Variants in MEF2A observed in about 807,000 individuals in gnomAD.
MEF2A encodes myocyte enhancer factor 2A, also known as myocyte-specific enhancer factor 2A.
A neutral mutation model predicts 55.8 loss-of-function variants in MEF2A; 28 were observed. The observed-to-expected ratio is 0.50, with a 90% CI of 0.37 to 0.69. MEF2A has a LOEUF of 0.69. MEF2A is among the 30% of genes least tolerant of loss of function. The pLI, the probability that MEF2A is intolerant of heterozygous loss-of-function variation, is 0.00. For missense variants in MEF2A, 528 were observed against 626.2 expected, an observed-to-expected ratio of 0.84 and a Z score of 1.67; for synonymous variants, 239 against 227.1, an observed-to-expected ratio of 1.05 and a Z score of -0.47.
At chr15:99,629,252 A>G (rs1017396612) in intron 2 of MEF2A, among the ~76,000 whole-genome samples, 6 of 152,140 alleles carry the variant, frequency 3.9e-5, no homozygotes, top group Non-Finnish European at 8.8e-5. Context: ...GGTGTTAGGA[A>G]TAACACTCAA....
At chr15:99,690,721 A>G in intron 8 of MEF2A, 2 of 506,600 alleles carry the variant, frequency 3.9e-6, no homozygotes, top group Non-Finnish European at 7.6e-6. Context: ...TAGATACTGC[A>G]AGGTCTCACT....
chr15:99,703,498 CTA>C, intron 9 of MEF2A, 113 bp downstream of exon 9: 1 of 992,072 alleles, frequency 1.0e-6, no homozygotes, highest in Non-Finnish European at 1.5e-6. Flanking sequence ...TTTTTAAACA[CTA>C]TTCAAACACT....
chr15:99,635,854 T>A (rs569296462), intron 3 of MEF2A, among the ~76,000 whole-genome samples: 1 of 152,230 alleles, frequency 6.6e-6, no homozygotes, highest in African/African-American at 2.4e-5. Flanking sequence ...TTTGGATTGT[T>A]TTCTACTTTG....
intron 4 of MEF2A, among the ~76,000 whole-genome samples, chr15:99,657,965 A>G (rs768092126): frequency 6.6e-6 from 1 of 152,156 alleles, no homozygotes; most frequent in Admixed American, 6.6e-5. Flanking sequence ...AAGCAAATTT[A>G]TATCCTTTTT....
intron 2 of MEF2A, among the ~76,000 whole-genome samples, chr15:99,623,809 T>G (rs987181057): frequency 5.9e-5 from 9 of 152,182 alleles, no homozygotes; most frequent in African/African-American, 1.2e-4. Context: ...TCTGCCGTTT[T>G]TTTTTTTTTT....
At chr15:99,689,269 A>G (rs1228341682) in intron 7 of MEF2A, among the ~76,000 whole-genome samples, 1 of 152,198 alleles carries the variant, frequency 6.6e-6, no homozygotes, top group African/African-American at 2.4e-5. Flanking sequence ...ATAAGGAAGA[A>G]GTACGTGGTG....
chr15:99,569,989 A>G (rs1350013645), intron 1 of MEF2A, among the ~76,000 whole-genome samples: 1 of 151,786 alleles, frequency 6.6e-6, no homozygotes, highest in Non-Finnish European at 1.5e-5. Context: ...CTTATTTAAT[A>G]AGTACTAAAT....
chr15:99,670,326 G>A (rs573497331), intron 4 of MEF2A, among the ~76,000 whole-genome samples: 3 of 152,048 alleles, frequency 2.0e-5, no homozygotes, highest in African/African-American at 4.8e-5. Context: ...TCTCCAGAAA[G>A]GGCTGGGCAC....
Position 99,619,994 on chromosome 15 carries a change from C to G in MEF2A, c.-142-12984C>G, listed in dbSNP as rs550682883. Reference sequence around the variant, plus strand: ...GTAATGTTTAAAGTTTTCTGGCATTCAGGATGTTTTTCTTCTTAACCTTAA... The same window carrying G: ...GTAATGTTTAAAGTTTTCTGGCATTGAGGATGTTTTTCTTCTTAACCTTAA... On this transcript the variant is annotated intron_variant, in intron 2 of 11. Transcript: ENST00000557942. 1.6e-4 allele frequency among the ~76,000 whole-genome samples: 25 copies of G among 152,322 alleles called. No individual in the cohort carries two copies. In the South Asian group the frequency reaches 5.0e-3, roughly 30 times the overall value.
chr15:99,614,152 T>C (rs889219192), intron 2 of MEF2A, among the ~76,000 whole-genome samples: 1 of 152,270 alleles, frequency 6.6e-6, no homozygotes, highest in Non-Finnish European at 1.5e-5. Context: ...TTATTGTTAC[T>C]GTTACATGAG....
intron 1 of MEF2A, among the ~76,000 whole-genome samples, chr15:99,574,239 T>C (rs1369599459): frequency 6.6e-6 from 1 of 152,172 alleles, no homozygotes; most frequent in African/African-American, 2.4e-5. Context: ...TATTATTTTA[T>C]TTACAGATTG....
intron 2 of MEF2A, among the ~76,000 whole-genome samples, chr15:99,602,691 T>TGTGTGTGG (rs1395188287): frequency 3.0e-5 from 3 of 101,658 alleles, no homozygotes; most frequent in Non-Finnish European, 5.8e-5. Flanking sequence ...TGTGTGTGTG[T>TGTGTGTGG]GTGTGTGTAG....
intron 4 of MEF2A, among the ~76,000 whole-genome samples, chr15:99,654,928 G>A (rs1260346077): frequency 6.6e-6 from 1 of 152,024 alleles, no homozygotes; most frequent in African/African-American, 2.4e-5. Flanking sequence ...CTATATTGTT[G>A]AGCATCTATC....
At chr15:99,602,165 A>G (rs1292609517) in intron 2 of MEF2A, among the ~76,000 whole-genome samples, 1 of 152,166 alleles carries the variant, frequency 6.6e-6, no homozygotes, top group Non-Finnish European at 1.5e-5. Context: ...CAGGAATGAA[A>G]GGAAGTAAAG....
At position 99,656,698 on chromosome 15, in the gene MEF2A, T is replaced by C. The variant is rs557711788; in HGVS notation, c.258+10934T>C. Among the ~76,000 whole-genome samples, 3 of 152,250 alleles carry C rather than the reference T, an allele frequency of 2.0e-5. No individual in the cohort carries two copies. In the South Asian group the frequency reaches 6.2e-4, roughly 32 times the overall value. ...ACCTTGTATCTTTATAAATAATTGC[T>C]CCAGACATCCTTAACTATCATGTGA... On this transcript the variant is annotated intron_variant, in intron 4 of 11. Coordinates refer to ENST00000557942, the MANE Select transcript of MEF2A (RefSeq NM_001319206.4).
intron 7 of MEF2A, chr15:99,678,762 G>A (rs528640979): frequency 1.2e-6 from 1 of 830,160 alleles, no homozygotes; most frequent in East Asian, 1.2e-4. Flanking sequence ...TGGAAAGACT[G>A]ATTGATTTGC....
intron 1 of MEF2A, among the ~76,000 whole-genome samples, chr15:99,568,886 A>G (rs899289611): frequency 6.6e-6 from 1 of 152,196 alleles, no homozygotes; most frequent in Non-Finnish European, 1.5e-5. Flanking sequence ...TTATGCGATG[A>G]CACTATGAGA....
In MEF2A at chr15:99,579,128, G is replaced by A. The variant is rs1028930980; in HGVS notation, c.-225+13024G>A. 3.9e-5 allele frequency among the ~76,000 whole-genome samples: 6 copies of A among 152,122 alleles called. No individual in the cohort carries two copies. The East Asian group carries it at 1.2e-3, about 29-fold the overall frequency. Reference sequence around the variant, plus strand: ...ATTTAGTCTTCATTTCTGTACTAATGTTGTATTTTTTCCCATTTCTTGTCT... The same window carrying A: ...ATTTAGTCTTCATTTCTGTACTAATATTGTATTTTTTCCCATTTCTTGTCT... On this transcript the variant is annotated intron_variant, in intron 1 of 11. Transcript: ENST00000557942.
intron 2 of MEF2A, among the ~76,000 whole-genome samples, chr15:99,612,981 C>A (rs1168405846): frequency 6.6e-6 from 1 of 151,448 alleles, no homozygotes; most frequent in African/African-American, 2.4e-5. Context: ...AGAGATTTCT[C>A]TATGGAAATG....
Sources: allele counts gnomAD v4.1 joint callset (sites outside exome capture counted in the v4.1 genomes callset), GRCh38; gene constraint gnomAD v4.1.1; transcripts MANE v1.5; gene names NCBI Gene and HGNC (gene_info 2026-07-23, HGNC 2026-07-21).